TRDN: variants seen among roughly 807,000 people sequenced by gnomAD.
The protein encoded by TRDN is triadin in skeletal muscle.
In TRDN, 161 loss-of-function variants were observed where a neutral mutation model predicts 149.7. The observed-to-expected ratio is 1.08, with a 90% CI of 0.95 to 1.23. The LOEUF is 1.23. Ranked by LOEUF, TRDN falls within the 50% of genes most tolerant of loss-of-function variation. TRDN has a pLI of 0.00. For synonymous variants in TRDN, 294 were observed against 250.5 expected (o/e 1.17, Z -1.64); for missense variants, 896 against 823.5 (o/e 1.09, Z -1.08).
intron 38 of TRDN, among the ~76,000 whole-genome samples, chr6:123,247,000 A>C (rs186088253): frequency 1.3e-5 from 2 of 152,178 alleles, no homozygotes; most frequent in Non-Finnish European, 2.9e-5. Context: ...AATGACAAAA[A>C]CCACATGATT....
intron 1 of TRDN, among the ~76,000 whole-genome samples, chr6:123,631,012 T>C (rs1378831360): frequency 6.6e-6 from 1 of 151,894 alleles, no homozygotes; most frequent in Non-Finnish European, 1.5e-5. Flanking sequence ...ATGCACTTAC[T>C]ACTCTATCAC....
At chr6:123,296,265 G>T (rs1225857267) in intron 24 of TRDN, among the ~76,000 whole-genome samples, 2 of 152,122 alleles carry the variant, frequency 1.3e-5, no homozygotes, top group African/African-American at 4.8e-5. Flanking sequence ...CCACTACTTA[G>T]AACAGAGCAG....
Position 123,229,744 on chromosome 6 carries a change from C to T in TRDN, c.1976-5613G>A, listed in dbSNP as rs78365798. Among the ~76,000 whole-genome samples, 1,317 of 151,946 alleles carry T rather than the reference C, an allele frequency of 8.7e-3. 30 individuals carry two copies. The highest frequency in any genetic ancestry group is 0.077 in the South Asian group (369 of 4,816). ...GTATGGACTCTAATAAATATGGACT[C>T]TAATTACAATTGGCTGATAAAAATT... On this transcript the variant is annotated intron_variant, in intron 38 of 40. Transcript: ENST00000334268.
At chr6:123,466,163 T>G (rs1776798621) in intron 9 of TRDN, among the ~76,000 whole-genome samples, 1 of 152,230 alleles carries the variant, frequency 6.6e-6, no homozygotes, top group East Asian at 1.9e-4. Context: ...TATTGTTAAT[T>G]TCTTTCATTA....
intron 1 of TRDN, among the ~76,000 whole-genome samples, chr6:123,629,268 C>T (rs9398739): frequency 0.27 from 41,719 of 151,996 alleles, 5,890 homozygotes; most frequent in East Asian, 0.43. Context: ...GTATTTTGAA[C>T]GTCTGTATAA....
chr6:123,528,672 C>A (rs1780067655), intron 5 of TRDN: 17 of 987,208 alleles, frequency 1.7e-5, no homozygotes, highest in Non-Finnish European at 2.0e-5. Flanking sequence ...TATCCACATA[C>A]AAGAGCAGTT....
intron 20 of TRDN, among the ~76,000 whole-genome samples, chr6:123,364,583 G>T (rs1424187304): frequency 6.6e-6 from 1 of 152,160 alleles, no homozygotes; most frequent in Non-Finnish European, 1.5e-5. Flanking sequence ...GGGAGGCGGA[G>T]GTTGCAGTGA....
chr6:123,228,188 C>A (rs989232923), intron 38 of TRDN, among the ~76,000 whole-genome samples: 1 of 151,852 alleles, frequency 6.6e-6, no homozygotes, highest in Non-Finnish European at 1.5e-5. Context: ...TCTTATTGTT[C>A]CTATTTTATA....
intron 20 of TRDN, among the ~76,000 whole-genome samples, chr6:123,356,795 T>C (rs566636149): frequency 1.1e-4 from 17 of 151,228 alleles, no homozygotes; most frequent in African/African-American, 3.6e-4. Flanking sequence ...AATCTTTTTA[T>C]TTGCTTATTA....
intron 5 of TRDN, among the ~76,000 whole-genome samples, chr6:123,518,779 C>T (rs942473847): frequency 6.6e-6 from 1 of 152,132 alleles, no homozygotes; most frequent in African/African-American, 2.4e-5. Flanking sequence ...CACAACACTT[C>T]TTAGTGAAGC....
intron 23 of TRDN, among the ~76,000 whole-genome samples, chr6:123,330,072 G>A (rs1044378343): frequency 2.0e-5 from 3 of 152,010 alleles, no homozygotes; most frequent in African/African-American, 7.2e-5. Flanking sequence ...AAGATACTTG[G>A]AAGAGTAGAA....
Position 123,251,330 on chromosome 6 carries a change from T to C in TRDN, c.1975+1082A>G, listed in dbSNP as rs75872673. On this transcript the variant is annotated intron_variant, in intron 38 of 40. Transcript: ENST00000334268. ...TCCAATGCTGTAGCCACTGACTACA[T>C]GGGGATTTGGGAAATTGAAATGTGA... Among the ~76,000 whole-genome samples, 1,402 of 152,194 alleles carry C rather than the reference T, an allele frequency of 9.2e-3. 28 individuals are homozygous for C. The highest frequency in any genetic ancestry group is 0.079 in the East Asian group (411 of 5,178).
At chr6:123,534,185 T>A (rs936997082) in intron 4 of TRDN, among the ~76,000 whole-genome samples, 1 of 152,150 alleles carries the variant, frequency 6.6e-6, no homozygotes, top group African/African-American at 2.4e-5. Flanking sequence ...ATTTTTGTTT[T>A]ACAGGTACAT....
At chr6:123,405,999 C>T (rs1773176680) in intron 12 of TRDN, among the ~76,000 whole-genome samples, 1 of 152,042 alleles carries the variant, frequency 6.6e-6, no homozygotes, top group Non-Finnish European at 1.5e-5. Flanking sequence ...TATTTGACTC[C>T]AAGTAATAGC....
chr6:123,503,978 G>A (rs1562351565), intron 7 of TRDN, 77 bp from the exon 8 acceptor site: 4 of 1,413,574 alleles, frequency 2.8e-6, no homozygotes, highest in African/African-American at 1.5e-5. Context: ...ATGTCATTAA[G>A]GAAAATTGGA....
chr6:123,345,602 C>T (rs1780218737), intron 21 of TRDN, among the ~76,000 whole-genome samples: 1 of 151,938 alleles, frequency 6.6e-6, no homozygotes, highest in African/African-American at 2.4e-5. Flanking sequence ...AGATAACTTG[C>T]TAGAATTGTT....
intron 8 of TRDN, among the ~76,000 whole-genome samples, chr6:123,499,716 AAAAATATATAT>A (rs1270983636): frequency 9.0e-6 from 1 of 110,668 alleles, no homozygotes; most frequent in African/African-American, 3.3e-5. Flanking sequence ...AAAAAAAAAA[AAAAATATATAT>A]ATATATATAT....
chr6:123,366,536 A>T (rs565323320), intron 19 of TRDN, among the ~76,000 whole-genome samples: 261 of 151,590 alleles, frequency 1.7e-3, no homozygotes, highest in African/African-American at 6.0e-3. Context: ...TTTTTTTTTT[A>T]AACGGAGATT....
chr6:123,536,343 AT>A (rs1274421680), intron 4 of TRDN, among the ~76,000 whole-genome samples: 1 of 152,172 alleles, frequency 6.6e-6, no homozygotes, highest in East Asian at 1.9e-4. Context: ...TGAGTTATCA[AT>A]TCTTGCATAT....
Sources: gnomAD v4.1 joint callset for allele counts (sites outside exome capture counted in the v4.1 genomes callset) on GRCh38, gnomAD v4.1.1 for gene constraint, MANE v1.5 for transcripts, NCBI Gene and HGNC (gene_info 2026-07-23, HGNC 2026-07-21) for gene names.